Variants in CAMTA1 observed in about 807,000 individuals in gnomAD.
The protein encoded by CAMTA1 is calmodulin binding transcription activator 1.
A neutral mutation model predicts 170.9 loss-of-function variants in CAMTA1; 27 were observed. That is an observed-to-expected ratio of 0.16 (90% CI 0.12 to 0.22). The LOEUF is 0.22. Among genes scored for constraint, CAMTA1 ranks in the 10% least tolerant of loss-of-function variants. CAMTA1 has a pLI of 1.00. For missense variants in CAMTA1, 1,619 were observed against 2,217.2 expected, an observed-to-expected ratio of 0.73 and a Z score of 5.42; for synonymous variants, 833 against 891.5, an observed-to-expected ratio of 0.93 and a Z score of 1.17.
At chr1:6,960,994 A>G (rs1690301539) in intron 3 of CAMTA1, among the ~76,000 whole-genome samples, 1 of 152,198 alleles carries the variant, frequency 6.6e-6, no homozygotes, top group South Asian at 2.1e-4. Flanking sequence ...ACATCTGGTA[A>G]GTGGTAGAGC....
intron 3 of CAMTA1, among the ~76,000 whole-genome samples, chr1:7,053,919 G>A (rs1486490590): frequency 2.6e-5 from 4 of 152,212 alleles, no homozygotes; most frequent in Non-Finnish European, 4.4e-5. Context: ...TATCCCTGGC[G>A]CTGTCTCCTC....
At chr1:7,199,421 C>T (rs1200027844) in intron 4 of CAMTA1, among the ~76,000 whole-genome samples, 1 of 152,234 alleles carries the variant, frequency 6.6e-6, no homozygotes, top group Admixed American at 6.5e-5. Context: ...AGCGTCCCTT[C>T]TGCAAGGAGC....
intron 3 of CAMTA1, among the ~76,000 whole-genome samples, chr1:6,855,100 T>A (rs1242912876): frequency 2.0e-5 from 3 of 151,920 alleles, no homozygotes; most frequent in Non-Finnish European, 4.4e-5. Flanking sequence ...TGTAGAAAAT[T>A]AAAAAAAACC....
At chr1:7,469,680 G>A (rs2093292323) in intron 6 of CAMTA1, among the ~76,000 whole-genome samples, 1 of 152,128 alleles carries the variant, frequency 6.6e-6, no homozygotes, top group East Asian at 1.9e-4. Flanking sequence ...TGCTCCTCCA[G>A]GCCTTTTCTC....
chr1:7,538,421 G>A (rs929342858), intron 6 of CAMTA1, among the ~76,000 whole-genome samples: 5 of 152,176 alleles, frequency 3.3e-5, no homozygotes, highest in African/African-American at 7.2e-5. Context: ...GGGCCACAGC[G>A]GGGGGATCAC....
At chr1:7,459,159 C>T (rs1250037740) in intron 5 of CAMTA1, among the ~76,000 whole-genome samples, 1 of 152,200 alleles carries the variant, frequency 6.6e-6, no homozygotes, top group African/African-American at 2.4e-5. Flanking sequence ...GAGGAAGGAG[C>T]AAGGGCTTTG....
At chr1:7,257,389 C>T (rs776169545) in intron 5 of CAMTA1, among the ~76,000 whole-genome samples, 1 of 152,234 alleles carries the variant, frequency 6.6e-6, no homozygotes, top group Non-Finnish European at 1.5e-5. Context: ...CCCAAACACA[C>T]TGCATAACTG....
At chr1:6,826,996 A>C (rs902488462) in intron 3 of CAMTA1, among the ~76,000 whole-genome samples, 2 of 152,238 alleles carry the variant, frequency 1.3e-5, no homozygotes, top group African/African-American at 2.4e-5. Context: ...GTTTTAAAGC[A>C]TCCGATAAAG....
intron 1 of CAMTA1, among the ~76,000 whole-genome samples, chr1:6,787,514 C>T (rs534535502): frequency 6.6e-6 from 1 of 152,326 alleles, no homozygotes; most frequent in South Asian, 2.1e-4. Flanking sequence ...ACATTCATTA[C>T]ATATACAGTG....
intron 5 of CAMTA1, among the ~76,000 whole-genome samples, chr1:7,461,021 AG>A (rs1225562316): frequency 6.6e-6 from 1 of 152,196 alleles, no homozygotes; most frequent in African/African-American, 2.4e-5. Flanking sequence ...AGGAGGTAGC[AG>A]AGGGACCCTC....
At chr1:7,265,153 T>G (rs1668724429) in intron 5 of CAMTA1, among the ~76,000 whole-genome samples, 1 of 152,164 alleles carries the variant, frequency 6.6e-6, no homozygotes, top group East Asian at 1.9e-4. Flanking sequence ...CCTGAGCAGG[T>G]GAACTGTTCC....
intron 3 of CAMTA1, among the ~76,000 whole-genome samples, chr1:6,964,593 T>G (rs1691187759): frequency 6.6e-6 from 1 of 152,206 alleles, no homozygotes; most frequent in African/African-American, 2.4e-5. Flanking sequence ...CACTTTATAC[T>G]AAGGAGGCTA....
intron 3 of CAMTA1, among the ~76,000 whole-genome samples, chr1:6,969,048 C>G (rs1286652622): frequency 1.3e-5 from 2 of 152,116 alleles, no homozygotes; most frequent in African/African-American, 4.8e-5. Flanking sequence ...CCAGTCTTGC[C>G]TTAGAAAGCT....
chr1:6,938,912 C>T (rs920559374), intron 3 of CAMTA1, among the ~76,000 whole-genome samples: 9 of 152,204 alleles, frequency 5.9e-5, no homozygotes, highest in South Asian at 2.1e-4. Flanking sequence ...CGCTGCCCTG[C>T]GGCCCCACTG....
intron 4 of CAMTA1, among the ~76,000 whole-genome samples, chr1:7,107,526 G>C (rs941442698): frequency 6.6e-6 from 1 of 152,138 alleles, no homozygotes; most frequent in Admixed American, 6.5e-5. Context: ...TTAATTGGTG[G>C]CGTTGACATA....
intron 4 of CAMTA1, among the ~76,000 whole-genome samples, chr1:7,158,552 T>G (rs1023559613): frequency 6.6e-6 from 1 of 152,212 alleles, no homozygotes; most frequent in Non-Finnish European, 1.5e-5. Context: ...CTCTAGCTAA[T>G]GATATGCCTT....
intron 3 of CAMTA1, among the ~76,000 whole-genome samples, chr1:6,902,079 A>AAAAAAAAAT (rs796874602): frequency 8.1e-4 from 61 of 75,160 alleles, no homozygotes; most frequent in African/African-American, 2.1e-3. Flanking sequence ...ACACAAAAAA[A>AAAAAAAAAT]AAAATAAAAA....
chr1:6,890,642 C>T (rs1041482623), intron 3 of CAMTA1, among the ~76,000 whole-genome samples: 1 of 151,852 alleles, frequency 6.6e-6, no homozygotes, highest in Non-Finnish European at 1.5e-5. Context: ...ATGATCACAG[C>T]TTATTGCAGC....
Position 7,146,530 on chromosome 1 carries a change from G to A in CAMTA1, c.302+55159G>A, listed in dbSNP as rs567251817. Among the ~76,000 whole-genome samples the A allele has an allele frequency of 6.6e-6, 1 of 152,228 alleles. No individual in the cohort carries two copies. Among genetic ancestry groups the A allele is most frequent in the African/African-American group, 2.4e-5 (1 of 41,532 alleles). On this transcript the variant is annotated intron_variant, in intron 4 of 22. Coordinates refer to ENST00000303635, the MANE Select transcript of CAMTA1 (RefSeq NM_015215.4). This position sits in a 1 kb window ranked among gnomAD's most constrained non-coding sequence, Gnocchi z 4.3. ...CTGTGCTGGTGGACACTGCCGCCCAGCAGGACACTCATCACCATGGCCTTC... is the reference window on the plus strand; with the variant it reads ...CTGTGCTGGTGGACACTGCCGCCCAACAGGACACTCATCACCATGGCCTTC...
Sources: allele counts gnomAD v4.1 joint callset (sites outside exome capture counted in the v4.1 genomes callset), GRCh38; gene constraint gnomAD v4.1.1; non-coding constraint Gnocchi (gnomAD v3.1); transcripts MANE v1.5; gene names NCBI Gene and HGNC (gene_info 2026-07-23, HGNC 2026-07-21).